The following PRKCH variants were observed in gnomAD, a reference collection of about 807,000 sequenced individuals.
PRKCH encodes the protein protein kinase C eta.
In PRKCH, 28 loss-of-function variants were observed where a neutral mutation model predicts 82.5. The ratio of observed to expected loss-of-function variants is 0.34; its 90% CI spans 0.25 to 0.47. The LOEUF is 0.47. Among genes scored for constraint, PRKCH ranks in the 20% least tolerant of loss-of-function variants. The pLI, the probability that PRKCH is intolerant of heterozygous loss-of-function variation, is 1.00. For synonymous variants in PRKCH, 322 were observed against 327.4 expected, an observed-to-expected ratio of 0.98 and a Z score of 0.18; for missense variants, 705 against 881.8, an observed-to-expected ratio of 0.80 and a Z score of 2.54.
Position 61,231,684 on chromosome 14 carries a change from T to C in PRKCH, c.-19+44016T>C, listed in dbSNP as rs1435585782. Among the ~76,000 whole-genome samples the C allele has an allele frequency of 2.0e-5, 3 of 152,136 alleles. No individual in the cohort carries two copies. In the East Asian group the frequency reaches 5.8e-4, roughly 29 times the overall value. ...ACCGTGGCCGGCTGAATCTTTATTTTTCTTATTCCCGAAACTTGGCAGTGT... is the reference window on the plus strand; with the variant it reads ...ACCGTGGCCGGCTGAATCTTTATTTCTCTTATTCCCGAAACTTGGCAGTGT... On this transcript the variant is annotated intron_variant, in intron 1 of 3. Coordinates refer to the PRKCH transcript ENST00000555185.
At chr14:61,496,246 A>G (rs966019401) in intron 10 of PRKCH, among the ~76,000 whole-genome samples, 3 of 152,234 alleles carry the variant, frequency 2.0e-5, no homozygotes, top group Non-Finnish European at 1.5e-5. Context: ...TCTGTATGAC[A>G]GTTGCACAAG....
intron 4 of PRKCH, among the ~76,000 whole-genome samples, chr14:61,447,003 A>G (rs1164051717): frequency 1.3e-5 from 2 of 152,258 alleles, no homozygotes; most frequent in South Asian, 2.1e-4. Flanking sequence ...GTTAGGAGAC[A>G]TGCAGACACC....
intron 10 of PRKCH, among the ~76,000 whole-genome samples, chr14:61,501,876 A>G (rs1886924221): frequency 6.6e-6 from 1 of 151,992 alleles, no homozygotes; most frequent in Non-Finnish European, 1.5e-5. Flanking sequence ...ATGTCCTTAT[A>G]TGTCCTTCCA....
At chr14:61,215,203 T>A (rs2044608264) in intron 1 of PRKCH, among the ~76,000 whole-genome samples, 1 of 152,206 alleles carries the variant, frequency 6.6e-6, no homozygotes, top group African/African-American at 2.4e-5. Flanking sequence ...GAAGGTCTTT[T>A]TTTTAGATGT....
At chr14:61,491,357 A>C (rs546675967) in intron 10 of PRKCH, among the ~76,000 whole-genome samples, 2 of 152,236 alleles carry the variant, frequency 1.3e-5, no homozygotes, top group African/African-American at 4.8e-5. Flanking sequence ...ACAAATTGTC[A>C]TTTGTTGTTT....
At chr14:61,522,181 G>A (rs79429180) in intron 10 of PRKCH, among the ~76,000 whole-genome samples, 1 of 152,070 alleles carries the variant, frequency 6.6e-6, no homozygotes, top group Non-Finnish European at 1.5e-5. Flanking sequence ...CTTTCCCCCA[G>A]TAGTTCTTGA....
At chr14:61,253,988 TCCC>T (rs2044972880) in intron 1 of PRKCH, among the ~76,000 whole-genome samples, 2 of 44,062 alleles carry the variant, frequency 4.5e-5, no homozygotes, top group African/African-American at 1.6e-4. Flanking sequence ...CCTCCCTCCC[TCCC>T]TCCCTCCCTC....
intron 9 of PRKCH, among the ~76,000 whole-genome samples, chr14:61,472,189 A>G (rs933881571): frequency 1.3e-5 from 2 of 152,234 alleles, no homozygotes; most frequent in African/African-American, 4.8e-5. Context: ...AGGCATTATT[A>G]TCAGAGCCTG....
At chr14:61,523,707 C>A (rs550381135) in intron 10 of PRKCH, among the ~76,000 whole-genome samples, 1 of 152,194 alleles carries the variant, frequency 6.6e-6, no homozygotes, top group East Asian at 1.9e-4. Flanking sequence ...AGACTCACCA[C>A]CCCCAAATGA....
chr14:61,543,702 C>G (rs983677614), intron 12 of PRKCH: 4 of 152,114 alleles, frequency 2.6e-5, no homozygotes, highest in Non-Finnish European at 4.4e-5. Flanking sequence ...GTGATGGCCC[C>G]GAGGAGCACA....
chr14:61,320,602 A>AAACAAC (rs55918746), upstream of PRKCH, among the ~76,000 whole-genome samples: 11 of 151,402 alleles, frequency 7.3e-5, no homozygotes, highest in East Asian at 2.0e-4. Context: ...TCCGTCTCAA[A>AAACAAC]AACAACAACA....
chr14:61,226,063 C>T (rs763435266), intron 1 of PRKCH, among the ~76,000 whole-genome samples: 4 of 152,090 alleles, frequency 2.6e-5, no homozygotes, highest in South Asian at 2.1e-4. Context: ...TTCATTTTAC[C>T]GAAATCTGGC....
At chr14:61,319,989 A>G (rs1386061044), upstream of PRKCH, among the ~76,000 whole-genome samples, 1 of 152,192 alleles carries the variant, frequency 6.6e-6, no homozygotes, top group Non-Finnish European at 1.5e-5. Context: ...AACCTACTCA[A>G]TTAGAAAGTT....
chr14:61,393,357 G>A (rs994416809), intron 2 of PRKCH, among the ~76,000 whole-genome samples: 4 of 152,106 alleles, frequency 2.6e-5, no homozygotes, highest in African/African-American at 9.7e-5. Context: ...CAGTTTGAGG[G>A]GAATTAACAT....
At chr14:61,286,025 T>A (rs2045310907) in intron 1 of PRKCH, among the ~76,000 whole-genome samples, 1 of 152,262 alleles carries the variant, frequency 6.6e-6, no homozygotes, top group Admixed American at 6.5e-5. Context: ...TTTAGCATGC[T>A]CATTTCTCTT....
At chr14:61,293,746 G>A (rs2045383142) in intron 1 of PRKCH, among the ~76,000 whole-genome samples, 1 of 152,160 alleles carries the variant, frequency 6.6e-6, no homozygotes, top group Admixed American at 6.5e-5. Context: ...CAAACTTAGA[G>A]CGGTCAGCCT....
intron 1 of PRKCH, among the ~76,000 whole-genome samples, chr14:61,345,561 G>C (rs1459049446): frequency 6.6e-6 from 1 of 152,204 alleles, no homozygotes; most frequent in Non-Finnish European, 1.5e-5. Context: ...GAGCAGAGGA[G>C]TGATGAATAG....
At chr14:61,532,068 C>T (rs983401864) in intron 12 of PRKCH, among the ~76,000 whole-genome samples, 2 of 152,200 alleles carry the variant, frequency 1.3e-5, no homozygotes, top group Non-Finnish European at 2.9e-5. Flanking sequence ...CATGGCCCAG[C>T]ACCTGGCTTT....
At chr14:61,268,215 C>T (rs1235741340) in intron 1 of PRKCH, among the ~76,000 whole-genome samples, 1 of 152,118 alleles carries the variant, frequency 6.6e-6, no homozygotes, top group Non-Finnish European at 1.5e-5. Flanking sequence ...TGTAACATGC[C>T]ATGGATTGTG....
Sources: allele counts gnomAD v4.1 joint callset (sites outside exome capture counted in the v4.1 genomes callset), GRCh38; gene constraint gnomAD v4.1.1; transcripts MANE v1.5; gene names NCBI Gene and HGNC (gene_info 2026-07-23, HGNC 2026-07-21).